Variants in ADGRD2 observed in about 807,000 individuals in gnomAD.
ADGRD2 encodes the protein G protein-coupled receptor PGR24.
Under a neutral mutation model 44.4 loss-of-function variants are expected in ADGRD2, and 71 were observed. The observed-to-expected ratio is 1.60, with a 90% CI of 1.32 to 1.95. ADGRD2 has a LOEUF of 1.95. Ranked by LOEUF, ADGRD2 falls within the 30% of genes most tolerant of loss-of-function variation. The pLI is 0.00. For synonymous variants in ADGRD2, 481 were observed against 224.8 expected (o/e 2.14, Z -10.19); for missense variants, 1,039 against 512.4 (o/e 2.03, Z -9.92).
At chr9:124,460,289 GC>G (rs902007218) in intron 10 of ADGRD2, among the ~76,000 whole-genome samples, 3 of 146,686 alleles carry the variant, frequency 2.0e-5, no homozygotes, top group Non-Finnish European at 4.5e-5. Context: ...TGCAACCTCC[GC>G]CCCCCGGGTC....
Position 124,455,185 on chromosome 9 carries a change from C to T in ADGRD2, c.1393+58C>T, listed in dbSNP as rs531782827. The T allele has an allele frequency of 2.4e-4, 148 of 621,864 alleles. No homozygotes were observed. The Middle Eastern group carries it at 5.0e-3, about 21-fold the overall frequency. The allele number at this position is 621,864 out of a possible 1,614,324, so 38.5% of individuals were successfully genotyped here. On this transcript the variant is annotated intron_variant, in intron 6 of 21. Coordinates refer to ENST00000334810, the Ensembl canonical transcript of ADGRD2. Reference sequence around the variant, plus strand: ...CTGGGCTATGGTTCCAGCCTAGCCACCAGCTGGTTGTGTAGCTGTGGGGGA... The same window carrying T: ...CTGGGCTATGGTTCCAGCCTAGCCATCAGCTGGTTGTGTAGCTGTGGGGGA...
intron 10 of ADGRD2, among the ~76,000 whole-genome samples, chr9:124,464,131 T>C (rs1307072692): frequency 6.6e-6 from 1 of 152,040 alleles, no homozygotes; most frequent in Non-Finnish European, 1.5e-5. Flanking sequence ...CCTTGTTTAA[T>C]ATTCTAAAGG....
exon 7 of ADGRD2, chr9:124,456,711 G>A: frequency 1.4e-6 from 1 of 710,722 alleles, no homozygotes; most frequent in Non-Finnish European, 2.6e-6. Context: ...GGCCCCGAAT[G>A]CGCATCCAGC....
chr9:124,458,694 G>C (rs1207219159), exon 10 of ADGRD2: 1 of 718,620 alleles, frequency 1.4e-6, no homozygotes, highest in South Asian at 1.5e-5. Flanking sequence ...ACGTGGCCAT[G>C]ACCTTTCATC....
chr9:124,467,809 T>C (rs1227868100), exon 12 of ADGRD2: 1 of 718,522 alleles, frequency 1.4e-6, no homozygotes. Context: ...ACCTTCTTGC[T>C]CTTCCTGGTG....
chr9:124,470,655 G>T (rs1831931169), intron 17 of ADGRD2, 41 bp downstream of exon 20: 2 of 684,862 alleles, frequency 2.9e-6, no homozygotes. Flanking sequence ...GCCCTGACAT[G>T]CACGAAAGCT....
Position 124,470,492 on chromosome 9 carries a change from AG to A in ADGRD2, c.2639del. 1.4e-6 allele frequency: 1 copy of A among 709,582 alleles called. No homozygotes were observed. 44.0% of individuals were successfully genotyped at this position (709,582 alleles called of 1,614,324 possible). A position where few individuals can be genotyped will look rare whatever the true frequency, so the allele number is the denominator to read the frequency against. On this transcript the variant is annotated splice_acceptor_variant, in intron 16 of 21. Coordinates refer to ENST00000334810, the Ensembl canonical transcript of ADGRD2. LOFTEE classifies it high-confidence loss of function. ...CCGTCAGCCCTGCCTGCCCTCCTAC[AG>A]GGCCACGGTGAAGCCCGTGCTGGTC...
At chr9:124,459,431 T>A (rs1831684150) in intron 10 of ADGRD2, among the ~76,000 whole-genome samples, 2 of 151,622 alleles carry the variant, frequency 1.3e-5, no homozygotes, top group African/African-American at 4.8e-5. Flanking sequence ...GAGGCGGAGG[T>A]TGTAGTGAGC....
At chr9:124,475,367 C>G in intron 17 of ADGRD2, 79 bp from the exon 21 acceptor site, 1 of 668,374 alleles carries the variant, frequency 1.5e-6, no homozygotes, top group Non-Finnish European at 2.8e-6. Flanking sequence ...TGGGAGGCGC[C>G]GGGACCCCAG....
upstream of ADGRD2, chr9:124,451,968 G>T (rs1206057564): frequency 2.1e-5 from 14 of 667,298 alleles, no homozygotes; most frequent in African/African-American, 8.8e-5. Context: ...ATCCAGGTCT[G>T]ACTGCAGAGT....
intron 17 of ADGRD2, among the ~76,000 whole-genome samples, chr9:124,472,651 C>T (rs1189795862): frequency 6.6e-6 from 1 of 152,136 alleles, no homozygotes; most frequent in Admixed American, 6.5e-5. Context: ...GGATTACAGG[C>T]ACCTGCCACC....
intron 10 of ADGRD2, among the ~76,000 whole-genome samples, chr9:124,459,425 C>T (rs932151977): frequency 1.3e-5 from 2 of 151,514 alleles, no homozygotes; most frequent in African/African-American, 4.9e-5. Flanking sequence ...ACCCAGGAGG[C>T]GGAGGTTGTA....
rs1831655051 is a variant in ADGRD2, at chr9:124,458,249, C to T, written c.1764+13C>T. 1.4e-6 allele frequency: 1 copy of T among 718,200 alleles called. No individual in the cohort carries two copies. The highest frequency in any genetic ancestry group is 2.7e-5 in the East Asian group (1 of 37,278). 44.5% of individuals were successfully genotyped at this position (718,200 alleles called of 1,614,324 possible). Reference sequence around the variant, plus strand: ...ACAGGGTGCAGAGGTGAGTAGGCGCCACCTGGAGGGCTGTGAGGGCCTGTG... The same window carrying T: ...ACAGGGTGCAGAGGTGAGTAGGCGCTACCTGGAGGGCTGTGAGGGCCTGTG... On this transcript the variant is annotated intron_variant, in intron 9 of 21. Coordinates refer to ENST00000334810, the Ensembl canonical transcript of ADGRD2.
At chr9:124,458,176 A>G (rs1831653400) in exon 9 of ADGRD2, 1 of 718,318 alleles carries the variant, frequency 1.4e-6, no homozygotes. Context: ...CACACCCTAG[A>G]GGGACCGGAC....
chr9:124,472,306 C>T (rs1283399936), intron 17 of ADGRD2, among the ~76,000 whole-genome samples: 1 of 152,142 alleles, frequency 6.6e-6, no homozygotes, highest in Non-Finnish European at 1.5e-5. Context: ...TCACTGTCCC[C>T]CTCTCCCTGT....
chr9:124,471,860 C>T (rs1303587316), intron 17 of ADGRD2, among the ~76,000 whole-genome samples: 1 of 152,290 alleles, frequency 6.6e-6, no homozygotes. Flanking sequence ...ACCATGGCCA[C>T]GATGAAGAAA....
At chr9:124,451,359 C>G, upstream of ADGRD2, 1 of 395,416 alleles carries the variant, frequency 2.5e-6, no homozygotes, top group Non-Finnish European at 5.1e-6. Flanking sequence ...CTGCCTCCCC[C>G]TCTCCCAGCT....
At chr9:124,470,342 G>T (rs559178972) in intron 16 of ADGRD2, among the ~76,000 whole-genome samples, 152 bp from the exon 20 acceptor site, 14 of 152,312 alleles carry the variant, frequency 9.2e-5, no homozygotes, top group Admixed American at 6.5e-4. Context: ...TCCAGTCAAA[G>T]GTTCTGGCTC....
chr9:124,467,616 G>A, intron 11 of ADGRD2, 105 bp from the exon 15 acceptor site: 2 of 669,864 alleles, frequency 3.0e-6, no homozygotes, highest in South Asian at 3.3e-5. Flanking sequence ...CTGCACTGTG[G>A]AGGCGAATGC....
Sources: gnomAD v4.1 joint callset for allele counts (sites outside exome capture counted in the v4.1 genomes callset) on GRCh38, gnomAD v4.1.1 for gene constraint, MANE v1.5 for transcripts, NCBI Gene and HGNC (gene_info 2026-07-23, HGNC 2026-07-21) for gene names.